Variants in MAP3K20 observed in about 807,000 individuals in gnomAD.
The protein encoded by MAP3K20 is mitogen-activated protein kinase kinase kinase 20, also known as HCCS-4.
MAP3K20 carries 40 observed loss-of-function variants against 85.7 expected under a neutral mutation model. That is an observed-to-expected ratio of 0.47 (90% confidence interval 0.36 to 0.61). MAP3K20 has a LOEUF of 0.61. Ranked by LOEUF, MAP3K20 falls within the 20% of genes least tolerant of loss-of-function variation. MAP3K20 has a pLI of 0.00. For missense variants in MAP3K20, 817 were observed against 961.7 expected, an observed-to-expected ratio of 0.85 and a Z score of 1.99; for synonymous variants, 325 against 327.7, an observed-to-expected ratio of 0.99 and a Z score of 0.09.
At chr2:173,240,404 C>T (rs1436026132) in intron 16 of MAP3K20, among the ~76,000 whole-genome samples, 3 of 152,204 alleles carry the variant, frequency 2.0e-5, no homozygotes, top group Admixed American at 6.5e-5. Flanking sequence ...ATGCTTGCTC[C>T]AGGCCATTCC....
intron 2 of MAP3K20, among the ~76,000 whole-genome samples, chr2:173,155,255 G>A (rs1426609183): frequency 6.6e-6 from 1 of 152,106 alleles, no homozygotes; most frequent in Non-Finnish European, 1.5e-5. Context: ...TAATGTGAGA[G>A]TATTCATAGT....
intron 2 of MAP3K20, among the ~76,000 whole-genome samples, chr2:173,124,545 G>A (rs139956575): frequency 1.3e-3 from 192 of 152,352 alleles, no homozygotes; most frequent in African/African-American, 4.3e-3. Flanking sequence ...GGTGAGGCTT[G>A]ATGTAGTGCC....
intron 2 of MAP3K20, among the ~76,000 whole-genome samples, chr2:173,128,113 T>G (rs1688496405): frequency 6.6e-6 from 1 of 152,148 alleles, no homozygotes; most frequent in Admixed American, 6.5e-5. Context: ...TGCAAAAGAT[T>G]ATGAAAATTC....
chr2:173,158,939 G>T (rs1250129187), intron 2 of MAP3K20, among the ~76,000 whole-genome samples: 1 of 152,156 alleles, frequency 6.6e-6, no homozygotes, highest in Non-Finnish European at 1.5e-5. Flanking sequence ...TATTTATTGA[G>T]CACCTACTCT....
intron 8 of MAP3K20, among the ~76,000 whole-genome samples, chr2:173,200,303 A>T (rs1261679106): frequency 6.6e-6 from 1 of 152,226 alleles, no homozygotes; most frequent in Non-Finnish European, 1.5e-5. Flanking sequence ...AATTCTGTTG[A>T]CATAGCATAA....
At chr2:173,105,787 T>C (rs1330985276) in intron 2 of MAP3K20, among the ~76,000 whole-genome samples, 1 of 152,144 alleles carries the variant, frequency 6.6e-6, no homozygotes, top group Non-Finnish European at 1.5e-5. Flanking sequence ...GTTTGATAGG[T>C]ATAGAATTTT....
chr2:173,145,347 C>G (rs1450684651), intron 2 of MAP3K20, among the ~76,000 whole-genome samples: 1 of 152,136 alleles, frequency 6.6e-6, no homozygotes, highest in East Asian at 1.9e-4. Context: ...AATCTACTGA[C>G]TGGGAGAGCA....
chr2:173,222,998 G>C (rs573911336), intron 11 of MAP3K20: 2 of 985,366 alleles, frequency 2.0e-6, no homozygotes, highest in South Asian at 9.4e-5. Context: ...TCTTTTTATG[G>C]AAGTTTAAAG....
chr2:173,221,432 A>G lies in MAP3K20; in HGVS notation c.987+4182A>G, dbSNP rs201428751. ...TAAGAGAAGGGGGAAGAAAGTCAAC[A>G]TGGCTCTGGGGTTCAGTGATTTTGA... is the stretch of plus-strand genomic sequence containing the variant. On this transcript the variant is annotated intron_variant, in intron 11 of 19. Transcript: ENST00000375213. 9.0e-5 allele frequency: 146 copies of G among 1,614,088 alleles called. No individual in the cohort carries two copies. The East Asian group carries it at 2.9e-3, about 32-fold the overall frequency.
rs1028841888 is a variant in MAP3K20 at position 173,170,000 on chromosome 2, G to C, written c.247+108G>C. ...GCTCAGTTATGAATTGTGTGTTACTGTCAGATGTCACTTTTGTTGCTATAA... is the reference window on the plus strand; with the variant it reads ...GCTCAGTTATGAATTGTGTGTTACTCTCAGATGTCACTTTTGTTGCTATAA... On this transcript the variant is annotated intron_variant, in intron 3 of 19. Coordinates refer to ENST00000375213, the MANE Select transcript of MAP3K20 (RefSeq NM_016653.3). The C allele has an allele frequency of 1.0e-5, 10 of 974,516 alleles. No homozygotes were observed. In the African/African-American group the frequency reaches 1.5e-4, roughly 15 times the overall value. The allele number at this position is 974,516 out of a possible 1,614,324, so 60.4% of individuals were successfully genotyped here.
At chr2:173,107,376 T>G (rs144771255) in intron 2 of MAP3K20, among the ~76,000 whole-genome samples, 86 of 151,654 alleles carry the variant, frequency 5.7e-4, no homozygotes, top group South Asian at 3.1e-3. Flanking sequence ...GTTTCAGGAG[T>G]TGAGAAGATA....
intron 10 of MAP3K20, chr2:173,212,779 A>G (rs1683946697): frequency 6.8e-6 from 1 of 147,420 alleles, no homozygotes; most frequent in Non-Finnish European, 1.5e-5. Context: ...AGCCTGGGCT[A>G]CAGAGTGAGA....
rs748770737 is a variant in MAP3K20 at position 173,229,653 on chromosome 2, C to CTT, written c.988-27_988-26dup. The CTT allele has an allele frequency of 1.6e-5, 23 of 1,449,724 alleles. No individual in the cohort carries two copies. In the Admixed American group the frequency reaches 3.9e-4, roughly 24 times the overall value. The allele number at this position is 1,449,724 out of a possible 1,614,324, so 89.8% of individuals were successfully genotyped here. On this transcript the variant is annotated intron_variant, in intron 11 of 19. Transcript: ENST00000375213. ...AACCAAAAAGACAATGATAATATTA[C>CTT]TTTTTTTTTTCATTTCATGCATATT... is the stretch of plus-strand genomic sequence containing the variant.
At chr2:173,230,255 A>G (rs1403600253) in intron 12 of MAP3K20, among the ~76,000 whole-genome samples, 1 of 152,206 alleles carries the variant, frequency 6.6e-6, no homozygotes, top group African/African-American at 2.4e-5. Flanking sequence ...TCCAGAATAC[A>G]ATAACAAATA....
chr2:173,205,033 G>A (rs1381975003), intron 9 of MAP3K20, among the ~76,000 whole-genome samples: 3 of 151,048 alleles, frequency 2.0e-5, no homozygotes, highest in Admixed American at 1.3e-4. Flanking sequence ...AACCCGGGAG[G>A]CGGAGCTTGC....
At chr2:173,163,509 A>G (rs558546383) in intron 2 of MAP3K20, among the ~76,000 whole-genome samples, 1 of 151,996 alleles carries the variant, frequency 6.6e-6, no homozygotes, top group African/African-American at 2.4e-5. Flanking sequence ...TGTTACTGCA[A>G]ATGACACAAT....
chr2:173,237,018 C>CTTTT lies in MAP3K20; in HGVS notation c.1204-1355_1204-1354insTTTT, dbSNP rs1388150311. On this transcript the variant is annotated intron_variant, in intron 14 of 19. Transcript: ENST00000375213. The stretch of plus-strand genomic sequence containing the variant: ...ACTGGACAGTGGAGCAGTATATCCA[C>CTTTT]CTTTTTTTTTTTTTTTTTTTTTTTT... Among the ~76,000 whole-genome samples the CTTTT allele has an allele frequency of 1.2e-3, 139 of 119,800 alleles. 1 individual carries two copies. The highest frequency in any genetic ancestry group is 5.9e-3 in the South Asian group (20 of 3,412). 78.6% of individuals were successfully genotyped at this position (119,800 alleles called of 152,430 possible).
intron 2 of MAP3K20, among the ~76,000 whole-genome samples, chr2:173,128,811 C>T (rs866649724): frequency 7.9e-5 from 12 of 151,928 alleles, no homozygotes; most frequent in Middle Eastern, 3.2e-3. Context: ...TAAATAAGAA[C>T]CTGTTTTTCC....
chr2:173,102,062 A>G (rs1687653761), intron 2 of MAP3K20, among the ~76,000 whole-genome samples: 1 of 152,300 alleles, frequency 6.6e-6, no homozygotes, highest in Middle Eastern at 3.4e-3. Flanking sequence ...TCTTCCATGT[A>G]TCAGCTTCTA....
Sources: allele counts gnomAD v4.1 joint callset (sites outside exome capture counted in the v4.1 genomes callset), GRCh38; gene constraint gnomAD v4.1.1; transcripts MANE v1.5; gene names NCBI Gene and HGNC (gene_info 2026-07-23, HGNC 2026-07-21).